CEP78: variants seen among roughly 807,000 people sequenced by gnomAD.
CEP78 encodes the protein centrosomal protein of 78 kDa.
A neutral mutation model predicts 81.2 loss-of-function variants in CEP78; 76 were observed. The observed-to-expected ratio is 0.94, with a 90% CI of 0.78 to 1.13. The LOEUF (loss-of-function observed/expected upper bound fraction) is 1.13. CEP78 is among the 50% of genes most tolerant of loss of function. The pLI is 0.00. For synonymous variants in CEP78, 293 were observed against 301.4 expected, an observed-to-expected ratio of 0.97 and a Z score of 0.29; for missense variants, 918 against 846.8, an observed-to-expected ratio of 1.08 and a Z score of -1.04.
chr9:78,247,475 G>T (rs1826546854), intron 6 of CEP78, among the ~76,000 whole-genome samples: 1 of 152,162 alleles, frequency 6.6e-6, no homozygotes, highest in African/African-American at 2.4e-5. Flanking sequence ...AATATGGTTG[G>T]GGCACTGAGT....
chr9:78,236,559 TG>T lies in CEP78; in HGVS notation c.211del (p.Val71SerfsTer18), dbSNP rs1363491382. On this transcript the variant is annotated frameshift_variant, in exon 1 of 17. Coordinates refer to ENST00000643273, the MANE Select transcript of CEP78 (RefSeq NM_001330691.3). LOFTEE classifies it high-confidence loss of function. ...STLKINKDLP[L>X]VSIKSFFQPW... ...CTCAAGATCAATAAAGACCTGCCCT[TG>T]GTCTCCATCAAGAGCTTCTTCCAGC... 2 of 1,585,176 alleles carry T rather than the reference TG, an allele frequency of 1.3e-6. No homozygotes were observed. Among genetic ancestry groups the T allele is most frequent in the Non-Finnish European group, 8.6e-7 (1 of 1,165,528 alleles).
chr9:78,252,621 T>C (rs1437364851), intron 9 of CEP78, among the ~76,000 whole-genome samples: 2 of 152,194 alleles, frequency 1.3e-5, no homozygotes, highest in African/African-American at 4.8e-5. Flanking sequence ...CTATAAATTA[T>C]TTTCGAATGA....
intron 8 of CEP78, chr9:78,250,600 G>C (rs575650837): frequency 6.0e-6 from 1 of 167,974 alleles, no homozygotes; most frequent in African/African-American, 2.4e-5. Flanking sequence ...TTAGCCGGGC[G>C]TGGCGGCGTG....
At chr9:78,266,400 G>T (rs372069132) in intron 15 of CEP78, 42 bp from the exon 16 acceptor site, 9 of 1,443,102 alleles carry the variant, frequency 6.2e-6, no homozygotes, top group South Asian at 1.2e-5. Flanking sequence ...TAAATGGATG[G>T]CTTTGTTTGT....
intron 8 of CEP78, among the ~76,000 whole-genome samples, chr9:78,250,989 T>G (rs1826732791): frequency 1.3e-5 from 2 of 152,220 alleles, no homozygotes; most frequent in Non-Finnish European, 2.9e-5. Flanking sequence ...CTAAAGCTGC[T>G]AAAGTAGATC....
rs963762539 is a variant in CEP78, at chr9:78,278,889, C to A, written c.*8038C>A. Reference sequence around the variant, plus strand: ...ACTGATACATCTACCTGAGAATTTTCACATATAATTTGGTCAAAAAGTTAA... The same window carrying A: ...ACTGATACATCTACCTGAGAATTTTAACATATAATTTGGTCAAAAAGTTAA... On this transcript the variant is annotated 3_prime_UTR_variant, in exon 17 of 17. Coordinates refer to ENST00000643273, the MANE Select transcript of CEP78 (RefSeq NM_001330691.3). The A allele has an allele frequency of 2.6e-5, 4 of 152,004 alleles. No homozygotes were observed. The highest frequency in any genetic ancestry group is 6.6e-5 in the Admixed American group (1 of 15,242). The allele number at this position is 152,004 out of a possible 1,614,324, so 9.4% of individuals were successfully genotyped here.
intron 11 of CEP78, among the ~76,000 whole-genome samples, chr9:78,256,619 G>A (rs1384881082): frequency 2.2e-5 from 3 of 139,242 alleles, no homozygotes; most frequent in African/African-American, 5.5e-5. Flanking sequence ...TGCAAGCTCC[G>A]CCTTCCGGGT....
intron 16 of CEP78, among the ~76,000 whole-genome samples, 190 bp from the exon 17 acceptor site, chr9:78,270,651 T>C (rs1827671160): frequency 6.6e-6 from 1 of 152,218 alleles, no homozygotes; most frequent in South Asian, 2.1e-4. Context: ...CCCATCCAGT[T>C]CTATATCCAA....
In CEP78 at chr9:78,236,354, A is replaced by G. The variant is rs1159483368; in HGVS notation, c.4A>G (p.Ile2Val). 1 of 1,573,368 alleles carries G rather than the reference A, an allele frequency of 6.4e-7. No individual in the cohort carries two copies. Among genetic ancestry groups the G allele is most frequent in the Non-Finnish European group, 8.6e-7 (1 of 1,164,020 alleles). The change falls in exon 1 of 17, where the codon ATC becomes GTC. Residue 2 changes from isoleucine (I) to valine (V), a missense_variant. By Grantham distance (29) the Ile-to-Val change is conservative. Coordinates refer to ENST00000643273, the MANE Select transcript of CEP78 (RefSeq NM_001330691.3). M[I>V]DSVKLRRDSA... ...CCCCCGAGGCCGCCCTCGGGCCATGATCGACTCCGTGAAGCTGCGCCGCGA... is the reference window on the plus strand; with the variant it reads ...CCCCCGAGGCCGCCCTCGGGCCATGGTCGACTCCGTGAAGCTGCGCCGCGA...
At position 78,246,721 on chromosome 9, in the gene CEP78, A is replaced by G. The variant is rs1391527383; in HGVS notation, c.831A>G (p.Leu277=). 4 of 1,611,752 alleles carry G rather than the reference A, an allele frequency of 2.5e-6. No individual in the cohort carries two copies. Among genetic ancestry groups the G allele is most frequent in the East Asian group, 2.2e-5 (1 of 44,696 alleles). Reference sequence around the variant, plus strand: ...CCAATGAAGGAGCAAAGGCTTTGCTAGAGGCCCTTGAAACCAATACAACTC... The same window carrying G: ...CCAATGAAGGAGCAAAGGCTTTGCTGGAGGCCCTTGAAACCAATACAACTC... The part of the protein sequence containing the change: ...GLTNEGAKAL[L]EALETNTTLV... Residue 277 remains leucine, a synonymous_variant, in exon 6 of 17, where the codon CTA becomes CTG. Coordinates refer to ENST00000643273, the MANE Select transcript of CEP78 (RefSeq NM_001330691.3).
intron 6 of CEP78, among the ~76,000 whole-genome samples, chr9:78,247,621 T>C (rs1045834016): frequency 6.6e-6 from 1 of 152,018 alleles, no homozygotes; most frequent in African/African-American, 2.4e-5. Flanking sequence ...CTGGTAAGGG[T>C]TATATTCCAA....
intron 16 of CEP78, among the ~76,000 whole-genome samples, chr9:78,267,617 C>A (rs914399178): frequency 6.6e-6 from 1 of 152,114 alleles, no homozygotes; most frequent in Non-Finnish European, 1.5e-5. Flanking sequence ...GCTGGGATCT[C>A]AACCAGAACC....
At chr9:78,251,837 T>A (rs1055605127) in intron 8 of CEP78, 71 bp from the exon 9 acceptor site, 1 of 1,381,720 alleles carries the variant, frequency 7.2e-7, no homozygotes, top group Non-Finnish European at 9.9e-7. Context: ...TTTAAGAGTA[T>A]GCACATGTGC....
intron 15 of CEP78, among the ~76,000 whole-genome samples, chr9:78,266,166 A>G (rs1208111490): frequency 6.6e-6 from 1 of 152,130 alleles, no homozygotes; most frequent in African/African-American, 2.4e-5. Flanking sequence ...AGAGGATAGG[A>G]AAGATACTAA....
intron 1 of CEP78, 37 bp downstream of exon 1, chr9:78,236,640 G>A: frequency 6.6e-7 from 1 of 1,513,628 alleles, no homozygotes; most frequent in Middle Eastern, 1.8e-4. Flanking sequence ...CTCAGTCGGT[G>A]CGGCGAAGTG....
chr9:78,253,048 C>T (rs1024365663), intron 9 of CEP78, among the ~76,000 whole-genome samples, 184 bp from the exon 10 acceptor site: 6 of 152,134 alleles, frequency 3.9e-5, no homozygotes, highest in Non-Finnish European at 8.8e-5. Context: ...ATCCCAAAGC[C>T]GTTCTGCTAA....
At chr9:78,269,669 T>C (rs1457166961) in intron 16 of CEP78, among the ~76,000 whole-genome samples, 1 of 152,194 alleles carries the variant, frequency 6.6e-6, no homozygotes, top group East Asian at 1.9e-4. Flanking sequence ...AGCAATTCAC[T>C]GAATTGGTTG....
rs1827866756 is a variant in CEP78, at chr9:78,279,677, A to G, written c.*8826A>G. The stretch of plus-strand genomic sequence containing the variant: ...TTGTCACCAACTATAATAAAAGAAC[A>G]GAACTATGTATCAGAGAGGCTGCAG... On this transcript the variant is annotated 3_prime_UTR_variant, in exon 17 of 17. Coordinates refer to ENST00000643273, the MANE Select transcript of CEP78 (RefSeq NM_001330691.3). 2 of 152,236 alleles carry G rather than the reference A, an allele frequency of 1.3e-5. No homozygotes were observed. The highest frequency in any genetic ancestry group is 6.5e-5 in the Admixed American group (1 of 15,280). 9.4% of individuals were successfully genotyped at this position (152,236 alleles called of 1,614,324 possible).
intron 12 of CEP78, among the ~76,000 whole-genome samples, chr9:78,263,405 A>G (rs1452192799): frequency 1.3e-5 from 2 of 152,156 alleles, no homozygotes; most frequent in Non-Finnish European, 2.9e-5. Flanking sequence ...GAAAGATAAA[A>G]ATCTATACCA....
Sources: gnomAD v4.1 joint callset for allele counts (sites outside exome capture counted in the v4.1 genomes callset) on GRCh38, gnomAD v4.1.1 for gene constraint, MANE v1.5 for transcripts, NCBI Gene and HGNC (gene_info 2026-07-23, HGNC 2026-07-21) for gene names.